The following TBC1D9 variants were observed in gnomAD, a reference collection of about 807,000 sequenced individuals.
The protein encoded by TBC1D9 is TBC1 domain family member 9A.
In TBC1D9, 63 loss-of-function variants were observed where a neutral mutation model predicts 132.0. The ratio of observed to expected loss-of-function variants is 0.48; its 90% CI spans 0.39 to 0.59. The LOEUF is 0.59. Among genes scored for constraint, TBC1D9 ranks in the 20% least tolerant of loss-of-function variants. TBC1D9 has a pLI of 0.00. For missense variants in TBC1D9, 1,261 were observed against 1,592.7 expected, an observed-to-expected ratio of 0.79 and a Z score of 3.54; for synonymous variants, 610 against 609.9, an observed-to-expected ratio of 1.00 and a Z score of 0.00.
chr4:140,752,218 A>G (rs1378508817), intron 1 of TBC1D9, among the ~76,000 whole-genome samples: 1 of 152,188 alleles, frequency 6.6e-6, no homozygotes, highest in Admixed American at 6.5e-5. Context: ...TGGTATACTC[A>G]TATCATAGTT....
rs150058461 is a variant in TBC1D9 at position 140,706,179 on chromosome 4, C to T, written c.131-4565G>A. On this transcript the variant is annotated intron_variant, in intron 1 of 20. Coordinates refer to ENST00000442267, the MANE Select transcript of TBC1D9 (RefSeq NM_015130.3). The surrounding 1 kb of genome is among the most constrained non-coding windows in gnomAD (Gnocchi z 4.0). ...GTGTGCTGCCATGCAGAAATGTGCT[C>T]ATGGAAATGATCGATCCATCTACTG... Among the ~76,000 whole-genome samples, 55 of 152,228 alleles carry T rather than the reference C, an allele frequency of 3.6e-4. No homozygotes were observed. Among genetic ancestry groups the T allele is most frequent in the African/African-American group, 1.3e-3 (52 of 41,546 alleles).
intron 1 of TBC1D9, among the ~76,000 whole-genome samples, chr4:140,729,232 CGTAAAA>C (rs1374465108): frequency 6.6e-6 from 1 of 151,996 alleles, no homozygotes; most frequent in African/African-American, 2.4e-5. Context: ...TGAAGCTCTA[CGTAAAA>C]GTAAAATTAC....
At position 140,748,173 on chromosome 4, in the gene TBC1D9, T is replaced by C. The variant is rs554608607; in HGVS notation, c.130+7743A>G. On this transcript the variant is annotated intron_variant, in intron 1 of 20. Coordinates refer to ENST00000442267, the MANE Select transcript of TBC1D9 (RefSeq NM_015130.3). ...TGCTCAAAAGAGACAAAAAATAAGA[T>C]TGAGAATTGTAACAACTGAAAATTA... 4.6e-5 allele frequency among the ~76,000 whole-genome samples: 7 copies of C among 152,164 alleles called. No individual in the cohort carries two copies. The East Asian group carries it at 9.6e-4, about 21-fold the overall frequency.
At position 140,638,824 on chromosome 4, in the gene TBC1D9, A is replaced by G. The variant is rs189117907; in HGVS notation, c.2505+262T>C. On this transcript the variant is annotated intron_variant, in intron 15 of 20. Transcript: ENST00000442267. The stretch of plus-strand genomic sequence containing the variant: ...AACTTGATCACCATTGTTTTTAATA[A>G]GTATTATGAAGCAATAACCTATTTT... Among the ~76,000 whole-genome samples the G allele has an allele frequency of 2.7e-3, 416 of 152,336 alleles. 1 individual carries two copies. Among genetic ancestry groups the G allele is most frequent in the African/African-American group, 9.3e-3 (385 of 41,574 alleles).
intron 6 of TBC1D9, among the ~76,000 whole-genome samples, chr4:140,676,644 C>A (rs1578836090): frequency 6.6e-6 from 1 of 152,102 alleles, no homozygotes; most frequent in Non-Finnish European, 1.5e-5. Flanking sequence ...CAGAGCGAGA[C>A]TGTCTCTAAT....
intron 1 of TBC1D9, among the ~76,000 whole-genome samples, chr4:140,742,943 T>C (rs1035584100): frequency 6.7e-6 from 1 of 150,298 alleles, no homozygotes; most frequent in African/African-American, 2.5e-5. Flanking sequence ...CTTTTACTGG[T>C]AGAGCTTTCA....
intron 9 of TBC1D9, 146 bp from the exon 10 acceptor site, chr4:140,662,253 T>C: frequency 1.3e-6 from 1 of 746,364 alleles, no homozygotes; most frequent in East Asian, 2.5e-5. Flanking sequence ...TGTGGTATGT[T>C]GCAATCGTGG....
intron 13 of TBC1D9, chr4:140,642,960 T>G (rs1229315638): frequency 3.1e-6 from 2 of 646,518 alleles, no homozygotes; most frequent in Non-Finnish European, 5.3e-6. Context: ...CTCCTTGTAC[T>G]GGTGCTGGAC....
At chr4:140,637,374 G>A (rs1425054232) in intron 15 of TBC1D9, among the ~76,000 whole-genome samples, 2 of 151,264 alleles carry the variant, frequency 1.3e-5, no homozygotes, top group African/African-American at 2.4e-5. Flanking sequence ...AAAAAAAGAT[G>A]TGATTTCAAT....
intron 13 of TBC1D9, among the ~76,000 whole-genome samples, chr4:140,654,705 CA>C (rs1264838391): frequency 6.6e-6 from 1 of 152,060 alleles, no homozygotes; most frequent in Non-Finnish European, 1.5e-5. Flanking sequence ...GTTTTGGAGA[CA>C]GTAAGGTGAA....
At chr4:140,643,166 G>A (rs1737036350) in intron 13 of TBC1D9, 1 of 1,438,970 alleles carries the variant, frequency 6.9e-7, no homozygotes, top group Non-Finnish European at 9.5e-7. Flanking sequence ...TGTGGCTGCC[G>A]GCTGCCAGCA....
chr4:140,749,648 C>A (rs1302218252), intron 1 of TBC1D9, among the ~76,000 whole-genome samples: 2 of 152,060 alleles, frequency 1.3e-5, no homozygotes, highest in African/African-American at 2.4e-5. Flanking sequence ...TATAGTGAGA[C>A]CCCGTCTCTA....
chr4:140,724,656 T>C (rs1222529513), intron 1 of TBC1D9, among the ~76,000 whole-genome samples: 2 of 148,656 alleles, frequency 1.3e-5, no homozygotes, highest in Non-Finnish European at 3.0e-5. Flanking sequence ...AAAAAAAAAC[T>C]TGCAACTCAG....
intron 1 of TBC1D9, among the ~76,000 whole-genome samples, chr4:140,729,828 A>AAT (rs1240198152): frequency 6.7e-6 from 1 of 149,652 alleles, no homozygotes; most frequent in Non-Finnish European, 1.5e-5. Flanking sequence ...CAAAAAAAAA[A>AAT]AAAAAAAAAA....
intron 1 of TBC1D9, among the ~76,000 whole-genome samples, chr4:140,733,428 AC>A (rs1738628451): frequency 6.6e-6 from 1 of 152,180 alleles, no homozygotes; most frequent in South Asian, 2.1e-4. Flanking sequence ...TGTTTTCTAC[AC>A]CCTTCAGGTT....
intron 13 of TBC1D9, among the ~76,000 whole-genome samples, chr4:140,655,489 A>G (rs918497989): frequency 6.6e-6 from 1 of 152,192 alleles, no homozygotes; most frequent in Non-Finnish European, 1.5e-5. Context: ...ACCAATCAAA[A>G]TCACAAAACA....
chr4:140,734,132 T>C lies in TBC1D9; in HGVS notation c.130+21784A>G, dbSNP rs563735241. Among the ~76,000 whole-genome samples, 15 of 152,254 alleles carry C rather than the reference T, an allele frequency of 9.9e-5. No homozygotes were observed. In the East Asian group the frequency reaches 2.7e-3, roughly 27 times the overall value. ...TGAGTAGATGGAGGATACTTTGCTT[T>C]TTGGATTTTTCTGATTTTTTTGAGA... On this transcript the variant is annotated intron_variant, in intron 1 of 20. Transcript: ENST00000442267.
At chr4:140,671,254 A>T (rs1293392491) in intron 6 of TBC1D9, among the ~76,000 whole-genome samples, 2 of 152,194 alleles carry the variant, frequency 1.3e-5, no homozygotes, top group Non-Finnish European at 2.9e-5. Flanking sequence ...TACTACTGGC[A>T]TCTGGTAGCA....
At chr4:140,656,055 C>G (rs951286866) in intron 13 of TBC1D9, among the ~76,000 whole-genome samples, 5 of 151,926 alleles carry the variant, frequency 3.3e-5, no homozygotes, top group Non-Finnish European at 7.4e-5. Context: ...GGTATTAGAC[C>G]CATTAAGACA....
Sources: allele counts gnomAD v4.1 joint callset (sites outside exome capture counted in the v4.1 genomes callset), GRCh38; gene constraint gnomAD v4.1.1; non-coding constraint Gnocchi (gnomAD v3.1); transcripts MANE v1.5; gene names NCBI Gene and HGNC (gene_info 2026-07-23, HGNC 2026-07-21).